The following FBXL2 variants were observed in gnomAD, a reference collection of about 807,000 sequenced individuals.
FBXL2 encodes F-box/LRR-repeat protein 2.
Under a neutral mutation model 69.2 loss-of-function variants are expected in FBXL2, and 38 were observed. The ratio of observed to expected loss-of-function variants is 0.55; its 90% CI spans 0.42 to 0.72. The LOEUF is 0.72. Ranked by LOEUF, FBXL2 falls within the 30% of genes least tolerant of loss-of-function variation. FBXL2 has a pLI of 0.00. For synonymous variants in FBXL2, 192 were observed against 201.3 expected, an observed-to-expected ratio of 0.95 and a Z score of 0.39; for missense variants, 354 against 520.3, an observed-to-expected ratio of 0.68 and a Z score of 3.11.
chr3:33,346,389 A>G (rs1451986525), intron 2 of FBXL2, among the ~76,000 whole-genome samples: 1 of 151,842 alleles, frequency 6.6e-6, no homozygotes, highest in East Asian at 1.9e-4. Context: ...AAGCAAACAT[A>G]GTGAGACCCC....
intron 14 of FBXL2, 149 bp from the exon 15 acceptor site, chr3:33,385,352 T>C: frequency 1.3e-6 from 1 of 752,464 alleles, no homozygotes; most frequent in South Asian, 1.6e-5. Flanking sequence ...GTGCGGGGAG[T>C]AACAGGAGTA....
chr3:33,344,338 G>A (rs972891086), intron 2 of FBXL2, among the ~76,000 whole-genome samples: 1 of 152,090 alleles, frequency 6.6e-6, no homozygotes, highest in African/African-American at 2.4e-5. Flanking sequence ...TCATATTTGT[G>A]TATAGTAGTG....
At chr3:33,358,178 C>T (rs1237268025) in intron 2 of FBXL2, among the ~76,000 whole-genome samples, 1 of 152,190 alleles carries the variant, frequency 6.6e-6, no homozygotes, top group Non-Finnish European at 1.5e-5. Context: ...TGAGGCACTA[C>T]TCTTGTTCCT....
chr3:33,419,143 G>A, the FBXL2 span, among the ~76,000 whole-genome samples: 2 of 152,254 alleles, frequency 1.3e-5, no homozygotes, highest in African/African-American at 4.8e-5. Flanking sequence ...TCAAGGAATT[G>A]AAGAAGAGTC....
chr3:33,392,128 T>C (rs1423890430), downstream of FBXL2: 2 of 154,034 alleles, frequency 1.3e-5, no homozygotes, highest in East Asian at 1.9e-4. Flanking sequence ...CAGTTTCATA[T>C]TCCCCTCAAC....
intron 10 of FBXL2, 136 bp downstream of exon 10, chr3:33,375,554 G>A: frequency 1.1e-6 from 1 of 923,842 alleles, no homozygotes; most frequent in Non-Finnish European, 1.6e-6. Context: ...CTTTTGTTGG[G>A]TAAATTGGGG....
At chr3:33,328,242 A>G (rs2038863026) in intron 2 of FBXL2, among the ~76,000 whole-genome samples, 1 of 152,206 alleles carries the variant, frequency 6.6e-6, no homozygotes, top group Non-Finnish European at 1.5e-5. Context: ...CTCATGGATC[A>G]GAAGAATTAA....
chr3:33,303,740 C>T (rs1046233709), intron 2 of FBXL2, among the ~76,000 whole-genome samples: 1 of 151,788 alleles, frequency 6.6e-6, no homozygotes, highest in African/African-American at 2.4e-5. Context: ...ACATTATAAG[C>T]AAGGGCATTA....
chr3:33,378,188 T>G, intron 12 of FBXL2, 41 bp downstream of exon 12: 1 of 1,594,866 alleles, frequency 6.3e-7, no homozygotes, highest in Non-Finnish European at 8.6e-7. Context: ...AGCCTGCTCC[T>G]TAGTCATTGC....
rs1047695705 is a variant in FBXL2, at chr3:33,296,947, A to C, written c.4-717A>C. On this transcript the variant is annotated intron_variant, in intron 1 of 14. Coordinates refer to ENST00000484457, the MANE Select transcript of FBXL2 (RefSeq NM_012157.5). ...TGTAAAAAAGGCAGCTGTAATTTTGAGAAAGATTGCATTAAATCTATAGAT... is the reference window on the plus strand; with the variant it reads ...TGTAAAAAAGGCAGCTGTAATTTTGCGAAAGATTGCATTAAATCTATAGAT... 2.0e-5 allele frequency among the ~76,000 whole-genome samples: 3 copies of C among 152,182 alleles called. No homozygotes were observed. In the East Asian group the frequency reaches 5.8e-4, roughly 29 times the overall value.
chr3:33,364,593 T>G, intron 4 of FBXL2, 32 bp from the exon 5 acceptor site: 1 of 1,572,284 alleles, frequency 6.4e-7, no homozygotes, highest in Non-Finnish European at 8.8e-7. Flanking sequence ...GAAAAAACAG[T>G]ATTTTTTCCT....
chr3:33,278,815 A>G (rs1295088876), intron 1 of FBXL2, among the ~76,000 whole-genome samples: 1 of 152,226 alleles, frequency 6.6e-6, no homozygotes, highest in African/African-American at 2.4e-5. Flanking sequence ...TCAGAAACTG[A>G]ATTTTATGAA....
intron 2 of FBXL2, among the ~76,000 whole-genome samples, chr3:33,336,483 C>G (rs2039586361): frequency 6.6e-6 from 1 of 152,124 alleles, no homozygotes; most frequent in South Asian, 2.1e-4. Flanking sequence ...AAAACAGATT[C>G]TAGAAGAAAA....
At chr3:33,401,050 T>C in intron 12 of FBXL2, 1 of 1,564,836 alleles carries the variant, frequency 6.4e-7, no homozygotes, top group Non-Finnish European at 8.7e-7. Flanking sequence ...AAATGATGAT[T>C]TTTATAATAC....
At chr3:33,352,931 A>C (rs888128196) in intron 2 of FBXL2, among the ~76,000 whole-genome samples, 2 of 152,034 alleles carry the variant, frequency 1.3e-5, no homozygotes, top group Non-Finnish European at 1.5e-5. Context: ...AAACAAAAAA[A>C]CCCATCTCAA....
rs76631671 is a variant in FBXL2, at chr3:33,373,179, T to C, written c.359+19T>C. 3.1e-6 allele frequency: 5 copies of C among 1,613,214 alleles called. No homozygotes were observed. Among genetic ancestry groups the C allele is most frequent in the East Asian group, 4.5e-5 (2 of 44,892 alleles). On this transcript the variant is annotated intron_variant, in intron 6 of 14. Coordinates refer to ENST00000484457, the MANE Select transcript of FBXL2 (RefSeq NM_012157.5). ...CTGACAGGTAAGTAATGAAGATTAA[T>C]TGGTGACCAAATAGCCACGGGGAGA...
the FBXL2 span, chr3:33,411,557 T>C: frequency 6.2e-7 from 1 of 1,602,306 alleles, no homozygotes; most frequent in East Asian, 2.2e-5. Context: ...GTTAGTAAGC[T>C]TCTAATAATG....
At chr3:33,378,259 C>T in intron 12 of FBXL2, 112 bp downstream of exon 12, 2 of 1,121,606 alleles carry the variant, frequency 1.8e-6, no homozygotes, top group South Asian at 2.6e-5. Context: ...CCTTGATCAA[C>T]CTCAGTGGCA....
At chr3:33,389,183 G>A (rs2043653774), downstream of FBXL2, 9 of 152,616 alleles carry the variant, frequency 5.9e-5, no homozygotes, top group Admixed American at 5.9e-4. Context: ...CTCTTATAGA[G>A]AAAGAAGCTA....
Sources: allele counts gnomAD v4.1 joint callset (sites outside exome capture counted in the v4.1 genomes callset), GRCh38; gene constraint gnomAD v4.1.1; transcripts MANE v1.5; gene names NCBI Gene and HGNC (gene_info 2026-07-23, HGNC 2026-07-21).